The following DPYD variants were observed in gnomAD, a reference collection of about 807,000 sequenced individuals.
DPYD encodes dihydropyrimidine dehydrogenase [NADP(+)].
DPYD carries 109 observed loss-of-function variants against 116.2 expected under a neutral mutation model. That is an observed-to-expected ratio of 0.94 (90% CI 0.80 to 1.10). DPYD has a LOEUF of 1.10. DPYD is among the 50% of genes least tolerant of loss of function. DPYD has a pLI of 0.00. For synonymous variants in DPYD, 440 were observed against 432.0 expected (o/e 1.02, Z -0.23); for missense variants, 1,302 against 1,254.5 (o/e 1.04, Z -0.57).
intron 11 of DPYD, among the ~76,000 whole-genome samples, chr1:97,562,117 C>T (rs1452350286): frequency 6.6e-6 from 1 of 152,040 alleles, no homozygotes. Context: ...ATAATAAATA[C>T]AGAATGAAAG....
At chr1:97,881,182 G>C (rs1244577282) in intron 2 of DPYD, among the ~76,000 whole-genome samples, 5 of 152,014 alleles carry the variant, frequency 3.3e-5, no homozygotes. Context: ...TATTTGGAGA[G>C]AGAGTCTTTA....
intron 12 of DPYD, among the ~76,000 whole-genome samples, chr1:97,542,035 A>G (rs1650486039): frequency 6.6e-6 from 1 of 152,202 alleles, no homozygotes; most frequent in South Asian, 2.1e-4. Flanking sequence ...ACAAACTGGA[A>G]AACGCTTTTC....
At chr1:97,731,346 G>C (rs1360136987) in intron 4 of DPYD, among the ~76,000 whole-genome samples, 3 of 151,908 alleles carry the variant, frequency 2.0e-5, no homozygotes, top group African/African-American at 7.2e-5. Context: ...CCCATTAATA[G>C]CTTCAAAATA....
intron 16 of DPYD, among the ~76,000 whole-genome samples, chr1:97,362,122 C>T (rs1054685917): frequency 6.6e-6 from 1 of 152,204 alleles, no homozygotes; most frequent in African/African-American, 2.4e-5. Context: ...GATACAAAAT[C>T]AATGTGCAAA....
intron 18 of DPYD, among the ~76,000 whole-genome samples, chr1:97,304,325 C>T (rs758787789): frequency 2.0e-5 from 3 of 152,016 alleles, no homozygotes; most frequent in Non-Finnish European, 4.4e-5. Flanking sequence ...CGAGCTGTGT[C>T]TGGAGCCTGA....
At chr1:97,244,597 C>G (rs1441379009) in intron 18 of DPYD, among the ~76,000 whole-genome samples, 1 of 152,030 alleles carries the variant, frequency 6.6e-6, no homozygotes, top group Non-Finnish European at 1.5e-5. Context: ...CATATGTACT[C>G]TCTTTGGAAA....
intron 16 of DPYD, among the ~76,000 whole-genome samples, chr1:97,342,551 T>G (rs1026829650): frequency 1.3e-5 from 2 of 152,172 alleles, no homozygotes; most frequent in African/African-American, 2.4e-5. Context: ...TTATAACTAG[T>G]AGTAGGTTCA....
intron 3 of DPYD, among the ~76,000 whole-genome samples, chr1:97,767,170 G>A (rs1041996827): frequency 6.6e-6 from 1 of 152,116 alleles, no homozygotes; most frequent in African/African-American, 2.4e-5. Context: ...TGTAGTATAG[G>A]AGACCCTGGA....
At chr1:97,324,625 G>A (rs1570527760) in intron 16 of DPYD, among the ~76,000 whole-genome samples, 1 of 152,186 alleles carries the variant, frequency 6.6e-6, no homozygotes, top group South Asian at 2.1e-4. Context: ...TATAGTTTCA[G>A]TTGTGACACT....
intron 2 of DPYD, among the ~76,000 whole-genome samples, chr1:97,859,462 T>C (rs1382921151): frequency 6.6e-6 from 1 of 152,160 alleles, no homozygotes; most frequent in African/African-American, 2.4e-5. Context: ...TTAAAAGTTG[T>C]CAGATGGAGG....
chr1:97,308,713 C>A (rs1015261664), intron 16 of DPYD, among the ~76,000 whole-genome samples: 5 of 151,776 alleles, frequency 3.3e-5, no homozygotes, highest in African/African-American at 1.2e-4. Context: ...ACATCTTGAC[C>A]TTCTCATTTT....
chr1:97,532,750 CT>C (rs35263335), intron 12 of DPYD, among the ~76,000 whole-genome samples: 31,542 of 150,920 alleles, frequency 0.21, 3,675 homozygotes, highest in African/African-American at 0.3. Flanking sequence ...TTTGAATACT[CT>C]TTTTTTTTCT....
rs538703919 is a variant in DPYD, at chr1:97,306,282, G to A, written c.2074C>T (p.Arg692Trp). ...LACGQDPELV[R>W]NICRWVRQAV... The stretch of plus-strand genomic sequence containing the variant: ...TGCCTAACCCAGCGGCAGATGTTCC[G>A]CACCAGCTCTGGATCCTGTTCAAAT... The change falls in exon 17 of 23, where the codon CGG (arginine) becomes TGG (tryptophan). Residue 692 changes from arginine to tryptophan, a missense_variant. Arg to Trp is a moderately radical substitution (Grantham distance 101, BLOSUM62 -3). Transcript: ENST00000370192. 1.4e-5 allele frequency: 23 copies of A among 1,612,264 alleles called. No individual in the cohort carries two copies. Among genetic ancestry groups the A allele is most frequent in the African/African-American group, 1.2e-4 (9 of 74,888 alleles).
chr1:97,702,792 A>T (rs994407042), intron 5 of DPYD, among the ~76,000 whole-genome samples: 2 of 151,978 alleles, frequency 1.3e-5, no homozygotes, highest in African/African-American at 4.8e-5. Context: ...ATATGTATGT[A>T]TTTTCACCTA....
At chr1:97,129,980 CT>C (rs1284937908) in intron 20 of DPYD, among the ~76,000 whole-genome samples, 1 of 152,144 alleles carries the variant, frequency 6.6e-6, no homozygotes, top group Admixed American at 6.5e-5. Context: ...AATGTCCAGC[CT>C]TTCCTGTTGA....
At chr1:97,831,505 T>C (rs1669535713) in intron 2 of DPYD, among the ~76,000 whole-genome samples, 1 of 152,156 alleles carries the variant, frequency 6.6e-6, no homozygotes, top group East Asian at 1.9e-4. Flanking sequence ...GGGGATTCTG[T>C]AAGTTAGTAT....
At chr1:97,162,711 T>C (rs1312258216) in intron 20 of DPYD, among the ~76,000 whole-genome samples, 2 of 152,110 alleles carry the variant, frequency 1.3e-5, no homozygotes, top group Non-Finnish European at 1.5e-5. Flanking sequence ...GGAGGCATCA[T>C]GCTACCTGAC....
At chr1:97,460,706 T>C (rs549392827) in intron 13 of DPYD, among the ~76,000 whole-genome samples, 76 of 152,284 alleles carry the variant, frequency 5.0e-4, no homozygotes, top group African/African-American at 1.5e-3. Flanking sequence ...ACTCCTTCCC[T>C]GGAATCTACA....
intron 20 of DPYD, among the ~76,000 whole-genome samples, chr1:97,127,001 A>G (rs1342039054): frequency 2.0e-5 from 3 of 152,212 alleles, no homozygotes; most frequent in African/African-American, 7.2e-5. Flanking sequence ...ACCCAAAGAT[A>G]AATAGTACTT....
Sources: allele counts gnomAD v4.1 joint callset (sites outside exome capture counted in the v4.1 genomes callset), GRCh38; gene constraint gnomAD v4.1.1; transcripts MANE v1.5; gene names NCBI Gene and HGNC (gene_info 2026-07-23, HGNC 2026-07-21).